The following TBX15 variants were observed in gnomAD, a reference collection of about 807,000 sequenced individuals.
TBX15 encodes the protein T-box transcription factor 15, also known as T-box transcription factor TBX15.
TBX15 carries 18 observed loss-of-function variants against 53.9 expected under a neutral mutation model. The observed-to-expected ratio is 0.33, with a 90% CI of 0.23 to 0.49. The LOEUF is 0.49. Ranked by LOEUF, TBX15 falls within the 20% of genes least tolerant of loss-of-function variation. The pLI, the probability that TBX15 is intolerant of heterozygous loss-of-function variation, is 0.98. For synonymous variants in TBX15, 295 were observed against 278.0 expected (o/e 1.06, Z -0.61); for missense variants, 692 against 749.5 (o/e 0.92, Z 0.90).
chr1:118,884,519 G>T lies in TBX15; in HGVS notation c.*213C>A. The T allele has an allele frequency of 1.6e-6, 1 of 620,424 alleles. No individual in the cohort carries two copies. Among genetic ancestry groups the T allele is most frequent in the South Asian group, 2.0e-5 (1 of 49,028 alleles). The allele number at this position is 620,424 out of a possible 1,614,324, so 38.4% of individuals were successfully genotyped here. A position where few individuals can be genotyped will look rare whatever the true frequency, so the allele number is the denominator to read the frequency against. On this transcript the variant is annotated 3_prime_UTR_variant, in exon 8 of 8. Coordinates refer to ENST00000369429, the MANE Select transcript of TBX15 (RefSeq NM_001330677.2). Reference sequence around the variant, plus strand: ...CTAAGGTCTGGGAAGGCAGAAGAATGGCCACTGAGTTGCGGATGATTCTAT... The same window carrying T: ...CTAAGGTCTGGGAAGGCAGAAGAATTGCCACTGAGTTGCGGATGATTCTAT...
At chr1:118,975,854 G>A (rs1003723796) in intron 1 of TBX15, among the ~76,000 whole-genome samples, 1 of 152,170 alleles carries the variant, frequency 6.6e-6, no homozygotes, top group Non-Finnish European at 1.5e-5. Context: ...ATAAAACATA[G>A]GGCAGAGTCT....
intron 7 of TBX15, among the ~76,000 whole-genome samples, chr1:118,897,235 T>A (rs1370513081): frequency 6.6e-6 from 1 of 152,206 alleles, no homozygotes; most frequent in Non-Finnish European, 1.5e-5. Context: ...ACATACATAT[T>A]AGGTGGTTGT....
intron 1 of TBX15, among the ~76,000 whole-genome samples, chr1:118,932,978 GTGT>G (rs780604378): frequency 1.3e-5 from 2 of 152,122 alleles, no homozygotes; most frequent in African/African-American, 2.4e-5. Flanking sequence ...CTGGAAACAA[GTGT>G]TGTACTCTGA....
chr1:118,894,677 G>A lies in TBX15; in HGVS notation c.1024+4351C>T, dbSNP rs181754643. Among the ~76,000 whole-genome samples, 15 of 152,234 alleles carry A rather than the reference G, an allele frequency of 9.9e-5. No individual in the cohort carries two copies. In the East Asian group the frequency reaches 2.9e-3, roughly 29 times the overall value. On this transcript the variant is annotated intron_variant, in intron 7 of 7. Transcript: ENST00000369429. ...ATGGTTGAGCATGGGGGTAGGGCAG[G>A]GAGGGAAACTTCCGGGATATCAAGT...
intron 7 of TBX15, 131 bp from the exon 8 acceptor site, chr1:118,885,647 C>T (rs902866247): frequency 3.5e-6 from 4 of 1,132,684 alleles, no homozygotes; most frequent in East Asian, 2.6e-5. Flanking sequence ...ACCATTTTTC[C>T]TCTTAACTCA....
chr1:118,918,078 C>T (rs1271656101), intron 5 of TBX15, among the ~76,000 whole-genome samples: 4 of 152,158 alleles, frequency 2.6e-5, no homozygotes, highest in Admixed American at 1.3e-4. Context: ...GCTGACTCCT[C>T]GTCCTAAGCC....
chr1:118,946,764 C>G (rs895258203), intron 1 of TBX15, among the ~76,000 whole-genome samples: 6 of 152,106 alleles, frequency 3.9e-5, no homozygotes, highest in Non-Finnish European at 5.9e-5. Flanking sequence ...CACACATACA[C>G]ATATATATAA....
chr1:118,937,228 TA>T (rs1420190140), intron 1 of TBX15, among the ~76,000 whole-genome samples: 1 of 152,194 alleles, frequency 6.6e-6, no homozygotes, highest in Non-Finnish European at 1.5e-5. Flanking sequence ...AACAAACTGG[TA>T]TGTCAGAGTT....
intron 2 of TBX15, among the ~76,000 whole-genome samples, chr1:118,927,778 T>A (rs1655647142): frequency 6.6e-6 from 1 of 152,180 alleles, no homozygotes; most frequent in Non-Finnish European, 1.5e-5. Context: ...TAGAATAAAG[T>A]TCACCATTCT....
intron 1 of TBX15, among the ~76,000 whole-genome samples, chr1:118,968,699 G>A (rs1657134441): frequency 6.6e-6 from 1 of 152,116 alleles, no homozygotes; most frequent in South Asian, 2.1e-4. Context: ...CTAGTTTGAG[G>A]GTTTGTTCTG....
chr1:118,903,989 C>G (rs987066557), intron 6 of TBX15, among the ~76,000 whole-genome samples: 2 of 152,118 alleles, frequency 1.3e-5, no homozygotes, highest in African/African-American at 2.4e-5. Context: ...CAGCAGTTTT[C>G]CATCCAGAAA....
At chr1:118,986,177 G>A (rs963274201) in intron 1 of TBX15, among the ~76,000 whole-genome samples, 6 of 152,180 alleles carry the variant, frequency 3.9e-5, no homozygotes, top group Non-Finnish European at 8.8e-5. Context: ...AGGCCCACGC[G>A]AGATTTTGAC....
chr1:118,903,559 T>G (rs1433709885), intron 6 of TBX15, among the ~76,000 whole-genome samples: 2 of 152,160 alleles, frequency 1.3e-5, no homozygotes, highest in Non-Finnish European at 2.9e-5. Flanking sequence ...TCCTTAATTT[T>G]TACTCTTCCC....
chr1:118,905,605 T>C (rs1222603205), intron 6 of TBX15, among the ~76,000 whole-genome samples: 1 of 152,208 alleles, frequency 6.6e-6, no homozygotes, highest in Non-Finnish European at 1.5e-5. Context: ...TAGTGCCTGC[T>C]GGAGTGTCCA....
At chr1:118,960,270 C>T (rs941747941) in intron 1 of TBX15, among the ~76,000 whole-genome samples, 1 of 152,162 alleles carries the variant, frequency 6.6e-6, no homozygotes, top group Non-Finnish European at 1.5e-5. Flanking sequence ...CACTGGAAAA[C>T]TTGCCACCTT....
intron 7 of TBX15, among the ~76,000 whole-genome samples, chr1:118,893,485 G>GGAAAGAAAAGAAA (rs1553218198): frequency 8.6e-4 from 62 of 72,122 alleles, no homozygotes; most frequent in African/African-American, 4.7e-3. Context: ...AAGGAAGGAA[G>GGAAAGAAAAGAAA]GAAAGAAAGA....
Position 118,884,169 on chromosome 1 carries a change from A to T in TBX15, c.*563T>A, listed in dbSNP as rs1224498814. The T allele has an allele frequency of 3.2e-5, 5 of 157,686 alleles. No homozygotes were observed. The highest frequency in any genetic ancestry group is 1.2e-4 in the African/African-American group (5 of 41,590). The allele number at this position is 157,686 out of a possible 1,614,324, so 9.8% of individuals were successfully genotyped here. On this transcript the variant is annotated 3_prime_UTR_variant, in exon 8 of 8. Transcript: ENST00000369429. ...TCATTCCAGAAGCAGAGGAAGCTGC[A>T]GGGGAGAAAGACTGGCAGCTACTGC...
At chr1:118,919,143 T>C (rs1364372985) in intron 5 of TBX15, among the ~76,000 whole-genome samples, 1 of 152,188 alleles carries the variant, frequency 6.6e-6, no homozygotes, top group Non-Finnish European at 1.5e-5. Flanking sequence ...GAAATAAGAC[T>C]GTGTTACCTG....
chr1:118,920,595 C>T (rs1051843085), intron 5 of TBX15, among the ~76,000 whole-genome samples: 1 of 152,094 alleles, frequency 6.6e-6, no homozygotes, highest in Non-Finnish European at 1.5e-5. Flanking sequence ...GCACTTGACT[C>T]CCTAGGCACT....
Sources: gnomAD v4.1 joint callset for allele counts (sites outside exome capture counted in the v4.1 genomes callset) on GRCh38, gnomAD v4.1.1 for gene constraint, MANE v1.5 for transcripts, NCBI Gene and HGNC (gene_info 2026-07-23, HGNC 2026-07-21) for gene names.